SPECC1L: variants seen among roughly 807,000 people sequenced by gnomAD.
SPECC1L encodes the protein cytospin-A.
In SPECC1L, 40 loss-of-function variants were observed where a neutral mutation model predicts 116.8. The ratio of observed to expected loss-of-function variants is 0.34; its 90% CI spans 0.27 to 0.45. The LOEUF (loss-of-function observed/expected upper bound fraction) is 0.45. SPECC1L is among the 20% of genes least tolerant of loss of function. SPECC1L has a pLI of 1.00. For missense variants in SPECC1L, 1,110 were observed against 1,373.6 expected, an observed-to-expected ratio of 0.81 and a Z score of 3.03; for synonymous variants, 504 against 500.6, an observed-to-expected ratio of 1.01 and a Z score of -0.09.
intron 14 of SPECC1L, among the ~76,000 whole-genome samples, chr22:24,400,669 TTGCCGTTCCCACCAGCAG>T (rs2042455889): frequency 6.6e-6 from 1 of 152,256 alleles, no homozygotes. Context: ...GCGGCATCAT[TTGCCGTTCCCACCAGCAG>T]TGTCCAAGGA....
intron 8 of SPECC1L, among the ~76,000 whole-genome samples, chr22:24,332,625 ATG>A (rs1319225745): frequency 6.6e-6 from 1 of 152,162 alleles, no homozygotes; most frequent in African/African-American, 2.4e-5. Context: ...TACAGAAGAA[ATG>A]AGAGTTTAGC....
intron 14 of SPECC1L, among the ~76,000 whole-genome samples, chr22:24,382,258 G>A (rs1467065780): frequency 6.6e-6 from 1 of 152,096 alleles, no homozygotes; most frequent in Non-Finnish European, 1.5e-5. Flanking sequence ...CCCTTAGGGC[G>A]GTGGCTAACT....
At chr22:24,316,554 G>C (rs2040571686) in intron 4 of SPECC1L, among the ~76,000 whole-genome samples, 1 of 150,344 alleles carries the variant, frequency 6.7e-6, no homozygotes, top group Non-Finnish European at 1.5e-5. Context: ...ATTTAACCCT[G>C]AGTGGACACA....
In SPECC1L at chr22:24,378,801, AG is replaced by A. The variant is rs534523254; in HGVS notation, c.3087+9482del. On this transcript the variant is annotated intron_variant, in intron 14 of 16. Transcript: ENST00000314328. ...CATGGCACCCCAAAACAATTACTAT[AG>A]TAACATCAAAGACCACTGGTCATAC... Among the ~76,000 whole-genome samples the A allele has an allele frequency of 3.5e-3, 526 of 152,354 alleles. 3 individuals carry two copies. Among genetic ancestry groups the A allele is most frequent in the Non-Finnish European group, 6.2e-3 (419 of 68,028 alleles).
intron 14 of SPECC1L, among the ~76,000 whole-genome samples, chr22:24,376,951 C>T (rs921514602): frequency 6.6e-6 from 1 of 151,754 alleles, no homozygotes; most frequent in Non-Finnish European, 1.5e-5. Context: ...TAACCATTAC[C>T]ACAACCAGTT....
chr22:24,393,406 G>A (rs1601337995), intron 14 of SPECC1L, among the ~76,000 whole-genome samples: 1 of 152,078 alleles, frequency 6.6e-6, no homozygotes, highest in Non-Finnish European at 1.5e-5. Context: ...TGCAGCTGCA[G>A]GACTTTCTAG....
chr22:24,390,832 C>A (rs1410262550), intron 14 of SPECC1L, among the ~76,000 whole-genome samples: 1 of 136,864 alleles, frequency 7.3e-6, no homozygotes, highest in Non-Finnish European at 1.5e-5. Flanking sequence ...TATCTCAGGG[C>A]TCTTCTTGGG....
At chr22:24,399,646 T>C (rs971053919) in intron 14 of SPECC1L, among the ~76,000 whole-genome samples, 1 of 152,204 alleles carries the variant, frequency 6.6e-6, no homozygotes, top group Admixed American at 6.5e-5. Flanking sequence ...GAAGCTTCAA[T>C]ATAGTTGAAG....
chr22:24,388,653 A>G (rs1044133160), intron 14 of SPECC1L, among the ~76,000 whole-genome samples: 5 of 152,182 alleles, frequency 3.3e-5, no homozygotes, highest in African/African-American at 4.8e-5. Context: ...TCCCTGAGGA[A>G]TCGCCAAACT....
At chr22:24,401,830 G>A (rs1358851968) in intron 14 of SPECC1L, among the ~76,000 whole-genome samples, 3 of 152,146 alleles carry the variant, frequency 2.0e-5, no homozygotes, top group Non-Finnish European at 4.4e-5. Context: ...TTCACACCAC[G>A]TGAATGAATG....
chr22:24,292,688 T>G (rs4049954), intron 2 of SPECC1L, among the ~76,000 whole-genome samples: 12 of 151,838 alleles, frequency 7.9e-5, no homozygotes, highest in South Asian at 2.1e-4. Context: ...TACCATTGCT[T>G]TGTCCTATGT....
chr22:24,377,485 T>A (rs1350671480), intron 14 of SPECC1L, among the ~76,000 whole-genome samples: 1 of 152,240 alleles, frequency 6.6e-6, no homozygotes, highest in East Asian at 1.9e-4. Context: ...TTTTCTCATC[T>A]TCTTGTCCAT....
chr22:24,301,972 G>A (rs2049388784), intron 2 of SPECC1L, among the ~76,000 whole-genome samples: 2 of 152,056 alleles, frequency 1.3e-5, no homozygotes, highest in Admixed American at 1.3e-4. Flanking sequence ...TGTGAACCCG[G>A]GAGGCGGAGC....
At chr22:24,305,072 A>G (rs2049464575) in intron 3 of SPECC1L, among the ~76,000 whole-genome samples, 1 of 152,238 alleles carries the variant, frequency 6.6e-6, no homozygotes, top group Non-Finnish European at 1.5e-5. Flanking sequence ...TGTAGCAAAA[A>G]TTAAAAGAAA....
intron 10 of SPECC1L, 125 bp from the exon 11 acceptor site, chr22:24,346,961 C>T: frequency 3.7e-6 from 3 of 805,620 alleles, no homozygotes; most frequent in Non-Finnish European, 6.4e-6. Flanking sequence ...TGTGTTACAA[C>T]CTTACTATAG....
At chr22:24,397,223 A>T (rs569944476) in intron 14 of SPECC1L, among the ~76,000 whole-genome samples, 1 of 152,326 alleles carries the variant, frequency 6.6e-6, no homozygotes, top group East Asian at 1.9e-4. Context: ...ATACACCGAC[A>T]GAGTGAAAAG....
chr22:24,414,452 G>C (rs1382910390), intron 16 of SPECC1L, 82 bp from the exon 17 acceptor site: 1 of 1,126,090 alleles, frequency 8.9e-7, no homozygotes, highest in African/African-American at 1.5e-5. Flanking sequence ...AACTCCAAGA[G>C]CCCATGTTGC....
intron 2 of SPECC1L, among the ~76,000 whole-genome samples, chr22:24,291,383 T>A (rs929483475): frequency 2.6e-5 from 4 of 152,154 alleles, no homozygotes; most frequent in Non-Finnish European, 5.9e-5. Context: ...GCAATCCAGG[T>A]CTCTTGATTT....
intron 12 of SPECC1L, 78 bp from the exon 13 acceptor site, chr22:24,365,398 A>G (rs2041739405): frequency 1.5e-6 from 2 of 1,372,986 alleles, no homozygotes; most frequent in Admixed American, 3.6e-5. Flanking sequence ...TGTTTTTGGA[A>G]TCTTCAGAAA....
Sources: allele counts gnomAD v4.1 joint callset (sites outside exome capture counted in the v4.1 genomes callset), GRCh38; gene constraint gnomAD v4.1.1; transcripts MANE v1.5; gene names NCBI Gene and HGNC (gene_info 2026-07-23, HGNC 2026-07-21).